RABGAP1L: variants seen among roughly 807,000 people sequenced by gnomAD.
The protein encoded by RABGAP1L is rab GTPase-activating protein 1-like.
Under a neutral mutation model 137.7 loss-of-function variants are expected in RABGAP1L, and 63 were observed. The ratio of observed to expected loss-of-function variants is 0.46; its 90% CI spans 0.37 to 0.56. The LOEUF is 0.56. RABGAP1L is among the 20% of genes least tolerant of loss of function. The probability of loss-of-function intolerance (pLI) is 0.00; values close to 1 mark genes in which losing one functional copy is unlikely to be tolerated. For missense variants in RABGAP1L, 1,095 were observed against 1,244.0 expected (o/e 0.88, Z 1.80); for synonymous variants, 431 against 433.7 (o/e 0.99, Z 0.08).
intron 19 of RABGAP1L, among the ~76,000 whole-genome samples, chr1:174,949,776 TC>T (rs938033146): frequency 1.3e-5 from 2 of 152,088 alleles, no homozygotes; most frequent in African/African-American, 2.4e-5. Context: ...GCCAAGGAGT[TC>T]CACAAAAATA....
chr1:174,712,542 G>A (rs1015333291), intron 17 of RABGAP1L, among the ~76,000 whole-genome samples: 1 of 152,146 alleles, frequency 6.6e-6, no homozygotes, highest in African/African-American at 2.4e-5. Context: ...GGAGCAAACT[G>A]TGGACACACC....
At chr1:174,196,954 A>C (rs1320720221) in intron 1 of RABGAP1L, among the ~76,000 whole-genome samples, 4 of 152,210 alleles carry the variant, frequency 2.6e-5, no homozygotes, top group African/African-American at 9.6e-5. Context: ...ATGTTTTATA[A>C]CAAAGGTAGA....
At position 174,620,489 on chromosome 1, in the gene RABGAP1L, A is replaced by G. The variant is rs183944978; in HGVS notation, c.1711-16886A>G. On this transcript the variant is annotated intron_variant, in intron 13 of 25. Coordinates refer to ENST00000681986, the MANE Select transcript of RABGAP1L (RefSeq NM_001366446.1). ...CTCAGGATTAAGACACTCACTCAAA[A>G]TCACTCAACTACATGGAAACTGAAC... Among the ~76,000 whole-genome samples, 56 of 152,300 alleles carry G rather than the reference A, an allele frequency of 3.7e-4. 1 individual carries two copies. The East Asian group carries it at 5.8e-3, about 16-fold the overall frequency.
At chr1:174,427,463 G>A (rs1032644626) in intron 13 of RABGAP1L, among the ~76,000 whole-genome samples, 1 of 151,886 alleles carries the variant, frequency 6.6e-6, no homozygotes, top group East Asian at 1.9e-4. Flanking sequence ...TCTTAAAAAG[G>A]GATTTCTGTC....
chr1:174,687,817 T>C (rs1678592639), intron 15 of RABGAP1L, among the ~76,000 whole-genome samples: 1 of 152,230 alleles, frequency 6.6e-6, no homozygotes, highest in Non-Finnish European at 1.5e-5. Context: ...TCATTTATAT[T>C]TCACATTCAT....
At chr1:174,234,494 G>A (rs1194946585) in intron 4 of RABGAP1L, among the ~76,000 whole-genome samples, 1 of 146,556 alleles carries the variant, frequency 6.8e-6, no homozygotes, top group Non-Finnish European at 1.5e-5. Context: ...TGGCTATCCA[G>A]TTTTCCCAGC....
chr1:174,332,720 A>G (rs1369193088), intron 11 of RABGAP1L, among the ~76,000 whole-genome samples: 2 of 152,040 alleles, frequency 1.3e-5, no homozygotes, highest in African/African-American at 4.8e-5. Flanking sequence ...CTTATATGCT[A>G]TTGGTGAGAA....
At chr1:174,442,062 T>TA (rs1279411506) in intron 13 of RABGAP1L, among the ~76,000 whole-genome samples, 5 of 152,078 alleles carry the variant, frequency 3.3e-5, no homozygotes, top group Admixed American at 6.5e-5. Context: ...TTTTGCCATT[T>TA]TCCTAATTTT....
chr1:174,444,821 C>G (rs1457294469), intron 13 of RABGAP1L, among the ~76,000 whole-genome samples: 1 of 151,794 alleles, frequency 6.6e-6, no homozygotes, highest in Non-Finnish European at 1.5e-5. Flanking sequence ...TTTGAGTCTT[C>G]TTTCTTTTTT....
intron 12 of RABGAP1L, among the ~76,000 whole-genome samples, chr1:174,377,183 G>C (rs1196867211): frequency 6.6e-6 from 1 of 152,000 alleles, no homozygotes; most frequent in Admixed American, 6.6e-5. Context: ...CTAGAAAACA[G>C]TAATCAAAGA....
intron 13 of RABGAP1L, among the ~76,000 whole-genome samples, chr1:174,621,026 A>G (rs1038072326): frequency 6.6e-6 from 1 of 152,162 alleles, no homozygotes; most frequent in Non-Finnish European, 1.5e-5. Flanking sequence ...AATAAACTAG[A>G]AAATCTAGAA....
At chr1:174,933,463 G>C (rs752237890) in intron 19 of RABGAP1L, among the ~76,000 whole-genome samples, 1 of 152,080 alleles carries the variant, frequency 6.6e-6, no homozygotes, top group Non-Finnish European at 1.5e-5. Context: ...CACTGTTTTC[G>C]TGGGTTTGGA....
intron 23 of RABGAP1L, among the ~76,000 whole-genome samples, chr1:174,979,764 A>G (rs1670938595): frequency 1.3e-5 from 2 of 152,210 alleles, no homozygotes; most frequent in Non-Finnish European, 2.9e-5. Flanking sequence ...GTGGTCTCAG[A>G]AAGCCCTCTT....
intron 10 of RABGAP1L, among the ~76,000 whole-genome samples, chr1:174,292,356 T>TTA (rs1676709899): frequency 7.8e-6 from 1 of 128,110 alleles, no homozygotes; most frequent in Non-Finnish European, 1.6e-5. Flanking sequence ...TTTTTTTTTT[T>TTA]TACTGCTTTT....
At chr1:174,473,941 C>T (rs1033679112) in intron 13 of RABGAP1L, among the ~76,000 whole-genome samples, 2 of 152,176 alleles carry the variant, frequency 1.3e-5, no homozygotes, top group African/African-American at 4.8e-5. Flanking sequence ...CTTACAAACC[C>T]TTTTCTAGAA....
chr1:174,615,708 C>T (rs1373483622), intron 13 of RABGAP1L, among the ~76,000 whole-genome samples: 2 of 152,188 alleles, frequency 1.3e-5, no homozygotes, highest in African/African-American at 2.4e-5. Context: ...AGGCAGGCCT[C>T]CTTGAGCTGT....
chr1:174,551,015 T>TATATATATATATATATAC (rs1666494414), intron 13 of RABGAP1L, among the ~76,000 whole-genome samples: 1 of 126,750 alleles, frequency 7.9e-6, no homozygotes, highest in African/African-American at 3.5e-5. Context: ...TATATATATA[T>TATATATATATATATATAC]ATATATACAT....
chr1:174,667,299 C>T lies in RABGAP1L; in HGVS notation c.1825-16223C>T, dbSNP rs1256381409. Among the ~76,000 whole-genome samples, 4 of 152,124 alleles carry T rather than the reference C, an allele frequency of 2.6e-5. No homozygotes were observed. The East Asian group carries it at 7.7e-4, about 29-fold the overall frequency. On this transcript the variant is annotated intron_variant, in intron 14 of 25. Coordinates refer to ENST00000681986, the MANE Select transcript of RABGAP1L (RefSeq NM_001366446.1). The stretch of plus-strand genomic sequence containing the variant: ...ATCAGAACATAGGTACCCCCATCTC[C>T]ATGGACACAAACACAAATATCTAAG...
intron 13 of RABGAP1L, among the ~76,000 whole-genome samples, chr1:174,595,688 C>T (rs1482959122): frequency 7.0e-6 from 1 of 143,822 alleles, no homozygotes; most frequent in Admixed American, 6.9e-5. Flanking sequence ...GTCAGGGACC[C>T]ACTTGAGGAG....
Sources: allele counts gnomAD v4.1 joint callset (sites outside exome capture counted in the v4.1 genomes callset), GRCh38; gene constraint gnomAD v4.1.1; transcripts MANE v1.5; gene names NCBI Gene and HGNC (gene_info 2026-07-23, HGNC 2026-07-21).